The following PCNX1 variants were observed in gnomAD, a reference collection of about 807,000 sequenced individuals.
The protein encoded by PCNX1 is pecanex 1.
A neutral mutation model predicts 242.2 loss-of-function variants in PCNX1; 78 were observed. That is an observed-to-expected ratio of 0.32 (90% CI 0.27 to 0.39). PCNX1 has a LOEUF of 0.39. Ranked by LOEUF, PCNX1 falls within the 10% of genes least tolerant of loss-of-function variation. The probability of loss-of-function intolerance (pLI) is 1.00; values close to 1 mark genes in which losing one functional copy is unlikely to be tolerated. For synonymous variants in PCNX1, 1,024 were observed against 1,032.9 expected (o/e 0.99, Z 0.17); for missense variants, 2,581 against 2,856.5 (o/e 0.90, Z 2.20).
chr14:71,074,635 C>T (rs1041072842), intron 27 of PCNX1, among the ~76,000 whole-genome samples: 1 of 152,106 alleles, frequency 6.6e-6, no homozygotes, highest in South Asian at 2.1e-4. Context: ...TGTCCTGTCA[C>T]GTAGGCATGG....
chr14:71,069,932 T>C (rs1303603180), intron 26 of PCNX1, among the ~76,000 whole-genome samples: 1 of 152,218 alleles, frequency 6.6e-6, no homozygotes, highest in Non-Finnish European at 1.5e-5. Flanking sequence ...TGCGATGCTG[T>C]TTAATAGCAT....
chr14:71,001,340 A>G (rs2059501005), intron 8 of PCNX1, among the ~76,000 whole-genome samples: 1 of 152,156 alleles, frequency 6.6e-6, no homozygotes, highest in African/African-American at 2.4e-5. Flanking sequence ...TTTGATATAT[A>G]CTGTTAATGG....
rs1156683964 is a variant in PCNX1, at chr14:70,988,703, T to C, written c.2444+4T>C. ...TGCTCATCGGATCACCCCTAAGGTA[T>C]GGTATTTTCAATTCCACCAAGTTTA... On this transcript the variant is annotated splice_donor_region_variant and intron_variant, in intron 7 of 35. Coordinates refer to ENST00000304743, the MANE Select transcript of PCNX1 (RefSeq NM_014982.3). 2 of 1,608,872 alleles carry C rather than the reference T, an allele frequency of 1.2e-6. No individual in the cohort carries two copies. The highest frequency in any genetic ancestry group is 1.7e-6 in the Non-Finnish European group (2 of 1,176,114).
chr14:71,098,551 T>TGAGAGAGAGA (rs1480000997), intron 30 of PCNX1, among the ~76,000 whole-genome samples: 89 of 129,074 alleles, frequency 6.9e-4, no homozygotes, highest in Middle Eastern at 3.8e-3. Flanking sequence ...TGTGTGTGTG[T>TGAGAGAGAGA]GTGAGAGAGA....
intron 28 of PCNX1, 68 bp from the exon 29 acceptor site, chr14:71,088,262 T>C (rs1290563920): frequency 1.2e-6 from 1 of 847,754 alleles, no homozygotes; most frequent in African/African-American, 1.7e-5. Flanking sequence ...CGCTATATTA[T>C]TTCGATTTAT....
At chr14:71,060,123 C>G (rs372542772) in intron 26 of PCNX1, among the ~76,000 whole-genome samples, 1 of 152,186 alleles carries the variant, frequency 6.6e-6, no homozygotes, top group East Asian at 1.9e-4. Flanking sequence ...ATGGACTGCA[C>G]ATATCACAAT....
At chr14:70,956,280 C>T (rs1160341491) in intron 2 of PCNX1, among the ~76,000 whole-genome samples, 5 of 152,150 alleles carry the variant, frequency 3.3e-5, no homozygotes, top group Admixed American at 6.5e-5. Context: ...CAGTGGCTCA[C>T]GCTTGTATTC....
chr14:70,949,041 CAT>C (rs992747916), intron 2 of PCNX1, among the ~76,000 whole-genome samples: 61 of 144,090 alleles, frequency 4.2e-4, no homozygotes, highest in Admixed American at 2.9e-3. Context: ...TATATATACA[CAT>C]GTATATATAG....
rs1006760904 is a variant in PCNX1, at chr14:71,112,991, C to A, written c.*3056C>A. 6.6e-6 allele frequency: 1 copy of A among 152,090 alleles called. No homozygotes were observed. Among genetic ancestry groups the A allele is most frequent in the Non-Finnish European group, 1.5e-5 (1 of 68,012 alleles). 9.4% of individuals were successfully genotyped at this position (152,090 alleles called of 1,614,324 possible). On this transcript the variant is annotated 3_prime_UTR_variant, in exon 36 of 36. Coordinates refer to ENST00000304743, the MANE Select transcript of PCNX1 (RefSeq NM_014982.3). ...TTTTTGGTTAATCTTCCAACTTATA[C>A]CTTGGTGTGAACTCTCTTTTTACAC...
chr14:71,076,565 G>A (rs1408345414), intron 28 of PCNX1, 146 bp downstream of exon 28: 1 of 626,594 alleles, frequency 1.6e-6, no homozygotes, highest in Non-Finnish European at 2.8e-6. Context: ...GTTCATTATG[G>A]TTGGGCCAAA....
intron 16 of PCNX1, chr14:71,031,743 A>G (rs986637770): frequency 4.2e-6 from 5 of 1,200,344 alleles, no homozygotes; most frequent in Non-Finnish European, 6.2e-6. Context: ...TCTCTCTCAC[A>G]TCAACGACAT....
At chr14:71,074,347 G>A (rs1425165745) in intron 27 of PCNX1, among the ~76,000 whole-genome samples, 1 of 152,096 alleles carries the variant, frequency 6.6e-6, no homozygotes, top group African/African-American at 2.4e-5. Flanking sequence ...TGTAATTTTG[G>A]GGTCCCCAAG....
intron 2 of PCNX1, among the ~76,000 whole-genome samples, chr14:70,956,390 A>T (rs1156994675): frequency 4.6e-5 from 7 of 152,010 alleles, no homozygotes; most frequent in Admixed American, 4.6e-4. Flanking sequence ...CAAAAAAATA[A>T]ATAAATAAAT....
intron 32 of PCNX1, among the ~76,000 whole-genome samples, chr14:71,104,693 G>A (rs2062561036): frequency 6.6e-6 from 1 of 152,216 alleles, no homozygotes; most frequent in African/African-American, 2.4e-5. Context: ...ACTTTGGGAA[G>A]CTGAGGTGGG....
Position 70,988,574 on chromosome 14 carries a change from A to G in PCNX1, c.2319A>G (p.Gln773=). 6.2e-7 allele frequency: 1 copy of G among 1,614,028 alleles called. No individual in the cohort carries two copies. The change falls in exon 7 of 36, where the codon CAA becomes CAG. Residue 773 remains glutamine, a synonymous_variant. Coordinates refer to ENST00000304743, the MANE Select transcript of PCNX1 (RefSeq NM_014982.3). ...AAGTCTGTCTTGATGCAGCAGCACAAGCCAGCGAGGAGGCAGTGTCATTTC... is the reference window on the plus strand; with the variant it reads ...AAGTCTGTCTTGATGCAGCAGCACAGGCCAGCGAGGAGGCAGTGTCATTTC... ...EEQDAVSGAA[Q]ASEEAVSFRR... is the part of the protein sequence containing the mutation.
intron 18 of PCNX1, among the ~76,000 whole-genome samples, chr14:71,034,436 T>C (rs1184677319): frequency 6.6e-6 from 1 of 152,190 alleles, no homozygotes; most frequent in African/African-American, 2.4e-5. Context: ...TATTAGTCTT[T>C]TAGGTTGTTT....
intron 6 of PCNX1, among the ~76,000 whole-genome samples, chr14:70,980,952 T>C (rs761695000): frequency 2.0e-5 from 3 of 152,052 alleles, no homozygotes; most frequent in Non-Finnish European, 2.9e-5. Flanking sequence ...TTAAGGTAGG[T>C]GGTGGTGGTA....
rs766690890 is a variant in PCNX1, at chr14:70,978,659, T to A, written c.2311+11T>A. The A allele has an allele frequency of 1.3e-6, 2 of 1,592,644 alleles. No homozygotes were observed. The highest frequency in any genetic ancestry group is 3.6e-5 in the Admixed American group (2 of 56,234). On this transcript the variant is annotated intron_variant, in intron 6 of 35. Transcript: ENST00000304743. ...ATGCAGTCAGTGGAGGTAAGTAAAC[T>A]GTAAGAAGAGATTTCTGTAAGACTC...
intron 2 of PCNX1, among the ~76,000 whole-genome samples, chr14:70,955,467 A>G (rs2057956621): frequency 6.6e-6 from 1 of 152,248 alleles, no homozygotes; most frequent in African/African-American, 2.4e-5. Context: ...GAGCATGAGC[A>G]ATAAATATGA....
Sources: allele counts gnomAD v4.1 joint callset (sites outside exome capture counted in the v4.1 genomes callset), GRCh38; gene constraint gnomAD v4.1.1; transcripts MANE v1.5; gene names NCBI Gene and HGNC (gene_info 2026-07-23, HGNC 2026-07-21).